ZBTB34: variants seen among roughly 807,000 people sequenced by gnomAD.
The protein encoded by ZBTB34 is zinc finger and BTB domain containing 34.
A neutral mutation model predicts 33.4 loss-of-function variants in ZBTB34; 1 was observed. That is an observed-to-expected ratio of 0.03 (90% CI 0.01 to 0.14). ZBTB34 has a LOEUF of 0.14. ZBTB34 is among the 10% of genes least tolerant of loss of function. ZBTB34 has a pLI of 1.00. For synonymous variants in ZBTB34, 283 were observed against 253.5 expected, an observed-to-expected ratio of 1.12 and a Z score of -1.11; for missense variants, 406 against 657.2, an observed-to-expected ratio of 0.62 and a Z score of 4.18.
At chr9:126,878,268 G>A (rs544044417) in intron 1 of ZBTB34, among the ~76,000 whole-genome samples, 8 of 151,960 alleles carry the variant, frequency 5.3e-5, no homozygotes, top group Admixed American at 2.0e-4. Flanking sequence ...TCAGGAGTTC[G>A]AGACCAGCCT....
At chr9:126,874,685 G>A (rs938932226) in intron 1 of ZBTB34, among the ~76,000 whole-genome samples, 1 of 152,040 alleles carries the variant, frequency 6.6e-6, no homozygotes, top group African/African-American at 2.4e-5. Flanking sequence ...CCTGCCCCTT[G>A]CGCCTTGTTC....
rs1437887705 is a variant in ZBTB34, at chr9:126,879,395, G to A, written c.-5G>A. On this transcript the variant is annotated 5_prime_UTR_variant, in exon 2 of 2. Transcript: ENST00000319119. This position sits in a 1 kb window ranked among gnomAD's most constrained non-coding sequence, Gnocchi z 6.4. ...CAAACTCTCTCTCTCCGCAGAGTAC[G>A]CTTCATGTCAGTAGAAATGGACAGC... The A allele has an allele frequency of 8.1e-6, 13 of 1,605,998 alleles. No homozygotes were observed. Among genetic ancestry groups the A allele is most frequent in the East Asian group, 4.5e-5 (2 of 44,790 alleles).
intron 1 of ZBTB34, among the ~76,000 whole-genome samples, chr9:126,874,104 C>T (rs558037897): frequency 3.2e-5 from 4 of 124,266 alleles, no homozygotes; most frequent in Admixed American, 1.0e-4. Context: ...TGCAGTGGTG[C>T]GATCTTGGCT....
At chr9:126,874,622 C>T (rs956047497) in intron 1 of ZBTB34, among the ~76,000 whole-genome samples, 1 of 152,064 alleles carries the variant, frequency 6.6e-6, no homozygotes, top group African/African-American at 2.4e-5. Context: ...TGAAATGGCC[C>T]GTGAGGCCAT....
At chr9:126,862,624 C>T (rs1446500189) in intron 1 of ZBTB34, among the ~76,000 whole-genome samples, 1 of 152,176 alleles carries the variant, frequency 6.6e-6, no homozygotes, top group Non-Finnish European at 1.5e-5. Flanking sequence ...TGTGCAAATT[C>T]TCCATTTCAC....
intron 1 of ZBTB34, among the ~76,000 whole-genome samples, chr9:126,868,633 A>G (rs2033239397): frequency 6.6e-6 from 1 of 152,054 alleles, no homozygotes; most frequent in Admixed American, 6.5e-5. Flanking sequence ...GTGCTTTCAG[A>G]CTTGGCTTCG....
chr9:126,865,551 A>C (rs903899947), intron 1 of ZBTB34, among the ~76,000 whole-genome samples: 32 of 152,386 alleles, frequency 2.1e-4, no homozygotes, highest in African/African-American at 7.7e-4. Flanking sequence ...TGTTTTGCCC[A>C]GATGGCATCT....
At chr9:126,881,216 C>T (rs1454598755) in exon 2 of ZBTB34, 1 of 332,994 alleles carries the variant, frequency 3.0e-6, no homozygotes, top group Non-Finnish European at 5.9e-6. Context: ...GGTTGACCCT[C>T]CATTCTCTGC....
intron 1 of ZBTB34, among the ~76,000 whole-genome samples, chr9:126,875,106 C>A (rs1435027178): frequency 6.6e-6 from 1 of 152,126 alleles, no homozygotes; most frequent in African/African-American, 2.4e-5. Flanking sequence ...CTGTTGAGCG[C>A]ATGGAATGTG....
intron 1 of ZBTB34, among the ~76,000 whole-genome samples, chr9:126,873,438 ATT>A (rs915680513): frequency 9.9e-5 from 15 of 151,806 alleles, no homozygotes; most frequent in African/African-American, 3.6e-4. Flanking sequence ...TAATTTTTGT[ATT>A]TTTAGTAGAG....
chr9:126,868,699 G>A (rs546913300), intron 1 of ZBTB34, among the ~76,000 whole-genome samples: 16 of 152,280 alleles, frequency 1.1e-4, no homozygotes, highest in African/African-American at 2.2e-4. Context: ...CTTTCAGGGC[G>A]CCGGTCTCAA....
intron 1 of ZBTB34, among the ~76,000 whole-genome samples, chr9:126,863,316 C>T (rs576687957): frequency 6.6e-6 from 1 of 152,208 alleles, no homozygotes; most frequent in Non-Finnish European, 1.5e-5. Context: ...CACCTAGTAA[C>T]TGCTTAGTAC....
intron 1 of ZBTB34, among the ~76,000 whole-genome samples, chr9:126,862,682 C>A (rs2033157506): frequency 6.6e-6 from 1 of 152,194 alleles, no homozygotes; most frequent in East Asian, 1.9e-4. Flanking sequence ...AGGGTGTTCC[C>A]TGACTTCCCT....
At chr9:126,877,586 AT>A (rs886253251) in intron 1 of ZBTB34, among the ~76,000 whole-genome samples, 3 of 152,182 alleles carry the variant, frequency 2.0e-5, no homozygotes, top group African/African-American at 7.2e-5. Context: ...GGCGCTGCAG[AT>A]TTTAGGCCAC....
exon 2 of ZBTB34, chr9:126,881,850 G>T (rs929734109): frequency 6.0e-6 from 1 of 166,906 alleles, no homozygotes; most frequent in African/African-American, 2.4e-5. Context: ...TACATACCAG[G>T]TAACTAAATC....
intron 1 of ZBTB34, among the ~76,000 whole-genome samples, chr9:126,875,107 A>G (rs1452607865): frequency 6.6e-6 from 1 of 152,234 alleles, no homozygotes; most frequent in African/African-American, 2.4e-5. Context: ...TGTTGAGCGC[A>G]TGGAATGTGG....
intron 1 of ZBTB34, among the ~76,000 whole-genome samples, chr9:126,878,773 G>T (rs1245561745): frequency 6.6e-6 from 1 of 151,030 alleles, no homozygotes; most frequent in African/African-American, 2.4e-5. Context: ...CGCTAGGCTG[G>T]GATGCAGTGG....
chr9:126,879,625 T>A lies in ZBTB34; in HGVS notation c.226T>A (p.Ser76Thr). 1 of 1,613,838 alleles carries A rather than the reference T, an allele frequency of 6.2e-7. No individual in the cohort carries two copies. Among genetic ancestry groups the A allele is most frequent in the Non-Finnish European group, 8.5e-7 (1 of 1,179,886 alleles). ...AAGTACCATGAGTGGCTTGTCAATA[T>A]CAGTGATTAAAAATCCCAATGTGTT... Residue 76 changes from serine to threonine, a missense_variant, in exon 2 of 2, where the codon TCA (serine) becomes ACA (threonine). Physicochemically the swap from Ser to Thr is moderately conservative, Grantham distance 58 (BLOSUM62 1). Transcript: ENST00000319119. The surrounding 1 kb of genome is among the most constrained non-coding windows in gnomAD (Gnocchi z 6.4).
intron 1 of ZBTB34, among the ~76,000 whole-genome samples, chr9:126,875,327 T>C (rs2033341493): frequency 6.6e-6 from 1 of 152,374 alleles, no homozygotes; most frequent in Non-Finnish European, 1.5e-5. Flanking sequence ...CAGTGTCTTA[T>C]ATTTATGTTG....
Sources: gnomAD v4.1 joint callset for allele counts (sites outside exome capture counted in the v4.1 genomes callset) on GRCh38, gnomAD v4.1.1 for gene constraint, Gnocchi (gnomAD v3.1) non-coding constraint, MANE v1.5 for transcripts, NCBI Gene and HGNC (gene_info 2026-07-23, HGNC 2026-07-21) for gene names.